Variants in PPP3CA observed in about 807,000 individuals in gnomAD.
The protein encoded by PPP3CA is protein phosphatase 3 catalytic subunit alpha.
PPP3CA carries 14 observed loss-of-function variants against 66.5 expected under a neutral mutation model. The observed-to-expected ratio is 0.21, with a 90% confidence interval of 0.14 to 0.33. PPP3CA has a LOEUF of 0.33. PPP3CA is among the 10% of genes least tolerant of loss of function. The pLI is 1.00. For missense variants in PPP3CA, 317 were observed against 639.5 expected (o/e 0.50, Z 5.44); for synonymous variants, 232 against 226.2 (o/e 1.03, Z -0.23).
chr4:101,041,159 A>C (rs1671164314), intron 10 of PPP3CA, among the ~76,000 whole-genome samples: 1 of 152,114 alleles, frequency 6.6e-6, no homozygotes, highest in Non-Finnish European at 1.5e-5. Context: ...AGAGTAGAGA[A>C]CTGCTAAATT....
At chr4:101,270,120 G>T (rs1727291433) in intron 1 of PPP3CA, among the ~76,000 whole-genome samples, 1 of 152,136 alleles carries the variant, frequency 6.6e-6, no homozygotes, top group African/African-American at 2.4e-5. Context: ...ACAGCAATTT[G>T]CAAGAAGCAA....
At chr4:101,228,878 G>T (rs968381715) in intron 1 of PPP3CA, among the ~76,000 whole-genome samples, 3 of 151,674 alleles carry the variant, frequency 2.0e-5, no homozygotes, top group African/African-American at 7.3e-5. Flanking sequence ...ACCTCCACCA[G>T]AAAGTTTAGT....
intron 11 of PPP3CA, among the ~76,000 whole-genome samples, chr4:101,033,275 G>GACAC (rs144959971): frequency 2.4e-5 from 3 of 126,834 alleles, no homozygotes; most frequent in African/African-American, 5.9e-5. Flanking sequence ...CATACATAGA[G>GACAC]ACACACACAC....
At chr4:101,241,569 A>G (rs1726311054) in intron 1 of PPP3CA, among the ~76,000 whole-genome samples, 1 of 152,144 alleles carries the variant, frequency 6.6e-6, no homozygotes, top group South Asian at 2.1e-4. Context: ...TTAGTTGTCT[A>G]TAACAATAGC....
At chr4:101,063,126 G>C (rs557549192) in intron 9 of PPP3CA, 106 bp downstream of exon 9, 1 of 1,354,804 alleles carries the variant, frequency 7.4e-7, no homozygotes, top group East Asian at 2.4e-5. Context: ...TACAACTTGT[G>C]AATTTTATTG....
At chr4:101,114,213 C>T (rs1275214846) in intron 2 of PPP3CA, among the ~76,000 whole-genome samples, 2 of 152,022 alleles carry the variant, frequency 1.3e-5, no homozygotes, top group Admixed American at 6.6e-5. Context: ...TTTATTATGT[C>T]TTCAGCAGGT....
Position 101,118,464 on chromosome 4 carries a change from C to G in PPP3CA, c.260-9386G>C, listed in dbSNP as rs182714886. Among the ~76,000 whole-genome samples, 275 of 151,998 alleles carry G rather than the reference C, an allele frequency of 1.8e-3. 1 individual carries two copies. Among genetic ancestry groups the G allele is most frequent in the African/African-American group, 6.2e-3 (259 of 41,484 alleles). On this transcript the variant is annotated intron_variant, in intron 2 of 13. Coordinates refer to ENST00000394854, the MANE Select transcript of PPP3CA (RefSeq NM_000944.5). Reference sequence around the variant, plus strand: ...CTTTAATAGCAGCACATACTACACACCTGGCACTTATTATCACAAGGGTTT... The same window carrying G: ...CTTTAATAGCAGCACATACTACACAGCTGGCACTTATTATCACAAGGGTTT...
chr4:101,292,602 G>T (rs1728064433), intron 1 of PPP3CA, among the ~76,000 whole-genome samples: 4 of 152,150 alleles, frequency 2.6e-5, no homozygotes, highest in Admixed American at 1.3e-4. Context: ...CTATGCTTTG[G>T]CAATGAATTG....
intron 2 of PPP3CA, among the ~76,000 whole-genome samples, chr4:101,180,583 T>G (rs1347240274): frequency 1.3e-5 from 2 of 152,184 alleles, no homozygotes; most frequent in Non-Finnish European, 2.9e-5. Flanking sequence ...TACTGAAATT[T>G]CTTATTTTGA....
chr4:101,273,438 T>C, intron 1 of PPP3CA, among the ~76,000 whole-genome samples: 1 of 152,176 alleles, frequency 6.6e-6, no homozygotes, highest in Non-Finnish European at 1.5e-5. Context: ...GCTATTCTCC[T>C]GCCTCAGCCT....
chr4:101,269,083 C>T (rs1727253528), intron 1 of PPP3CA, among the ~76,000 whole-genome samples: 1 of 152,122 alleles, frequency 6.6e-6, no homozygotes, highest in Non-Finnish European at 1.5e-5. Context: ...ATGTTGTTCC[C>T]TGTCTTCAAA....
In PPP3CA at chr4:101,139,595, T is replaced by C. The variant is rs189478890; in HGVS notation, c.260-30517A>G. On this transcript the variant is annotated intron_variant, in intron 2 of 13. Transcript: ENST00000394854. ...TATGACAGATGTGGAAACAGTGCTT[T>C]GGGTATATGCCAGGAAAGAGTGAAC... 3.3e-5 allele frequency among the ~76,000 whole-genome samples: 5 copies of C among 152,022 alleles called. No homozygotes were observed. In the East Asian group the frequency reaches 9.7e-4, roughly 29 times the overall value.
At chr4:101,207,268 C>T (rs2110201410) in intron 1 of PPP3CA, among the ~76,000 whole-genome samples, 1 of 152,230 alleles carries the variant, frequency 6.6e-6, no homozygotes, top group East Asian at 1.9e-4. Context: ...GGAACATTTT[C>T]CTAGTTTATA....
rs1422062917 is a variant in PPP3CA, at chr4:101,183,758, GTGAAAGACAGA to G, written c.259+12147_259+12157del. On this transcript the variant is annotated intron_variant, in intron 2 of 13. Coordinates refer to ENST00000394854, the MANE Select transcript of PPP3CA (RefSeq NM_000944.5). The stretch of plus-strand genomic sequence containing the variant: ...TCCAAGTTTTTTTATTTGATGTTGT[GTGAAAGACAGA>G]CTGGAAGCTGTTGACTTTCTCTATC... 2.6e-5 allele frequency among the ~76,000 whole-genome samples: 4 copies of G among 152,136 alleles called. No homozygotes were observed. In the East Asian group the frequency reaches 7.7e-4, roughly 29 times the overall value.
chr4:101,133,367 A>G (rs1198521307), intron 2 of PPP3CA, among the ~76,000 whole-genome samples: 1 of 152,222 alleles, frequency 6.6e-6, no homozygotes, highest in Non-Finnish European at 1.5e-5. Context: ...CTCAGCCCCA[A>G]AAGTCCTTAA....
intron 11 of PPP3CA, among the ~76,000 whole-genome samples, chr4:101,037,612 A>C (rs972170608): frequency 6.6e-6 from 1 of 150,424 alleles, no homozygotes; most frequent in Non-Finnish European, 1.5e-5. Flanking sequence ...ATTTTATTTT[A>C]TATTTATTCA....
At chr4:101,130,733 T>C (rs887949675) in intron 2 of PPP3CA, among the ~76,000 whole-genome samples, 3 of 152,188 alleles carry the variant, frequency 2.0e-5, no homozygotes, top group Non-Finnish European at 4.4e-5. Context: ...CAAGAGTTCC[T>C]GAAGGAAGCA....
chr4:101,257,909 T>C (rs1233004740), intron 1 of PPP3CA, among the ~76,000 whole-genome samples: 1 of 152,098 alleles, frequency 6.6e-6, no homozygotes, highest in Non-Finnish European at 1.5e-5. Context: ...CTTAAAACCA[T>C]GTTAGCAAAT....
intron 2 of PPP3CA, among the ~76,000 whole-genome samples, chr4:101,136,418 G>A (rs1184213648): frequency 6.6e-6 from 1 of 152,066 alleles, no homozygotes; most frequent in Admixed American, 6.6e-5. Flanking sequence ...GCATGTGCCT[G>A]TAGTCCCAGC....
Sources: allele counts gnomAD v4.1 joint callset (sites outside exome capture counted in the v4.1 genomes callset), GRCh38; gene constraint gnomAD v4.1.1; transcripts MANE v1.5; gene names NCBI Gene and HGNC (gene_info 2026-07-23, HGNC 2026-07-21).